The following PIP5K1B variants were observed in gnomAD, a reference collection of about 807,000 sequenced individuals.
PIP5K1B encodes phosphatidylinositol 4-phosphate 5-kinase type-1 beta.
Under a neutral mutation model 67.0 loss-of-function variants are expected in PIP5K1B, and 42 were observed. That is an observed-to-expected ratio of 0.63 (90% confidence interval 0.49 to 0.81). The LOEUF (loss-of-function observed/expected upper bound fraction) is 0.81. PIP5K1B is among the 30% of genes least tolerant of loss of function. The probability of loss-of-function intolerance (pLI) is 0.00; values close to 1 mark genes in which losing one functional copy is unlikely to be tolerated. For synonymous variants in PIP5K1B, 214 were observed against 231.4 expected, an observed-to-expected ratio of 0.92 and a Z score of 0.68; for missense variants, 459 against 646.3, an observed-to-expected ratio of 0.71 and a Z score of 3.14.
chr9:68,849,311 A>G (rs928892110), intron 4 of PIP5K1B, among the ~76,000 whole-genome samples: 4 of 152,188 alleles, frequency 2.6e-5, no homozygotes, highest in African/African-American at 9.7e-5. Flanking sequence ...ATCTGTATAG[A>G]TGGAAGCATA....
At position 68,922,345 on chromosome 9, in the gene PIP5K1B, C is replaced by T. The variant is rs113323548; in HGVS notation, c.1117-957C>T. 5.9e-5 allele frequency among the ~76,000 whole-genome samples: 9 copies of T among 151,748 alleles called. 1 individual carries two copies. The highest frequency in any genetic ancestry group is 9.7e-5 in the African/African-American group (4 of 41,412). On this transcript the variant is annotated intron_variant, in intron 11 of 15. Transcript: ENST00000265382. ...AAGTGTGGTGGTGGGTGCCTGTAAT[C>T]GCAGCTACTGATGATGCCGATGCAG...
At chr9:68,846,901 C>T (rs1026908719) in intron 4 of PIP5K1B, among the ~76,000 whole-genome samples, 1 of 152,120 alleles carries the variant, frequency 6.6e-6, no homozygotes. Flanking sequence ...TCTTCTAGGC[C>T]TGTTTCACTA....
chr9:69,002,317 A>G (rs531220681), intron 15 of PIP5K1B, among the ~76,000 whole-genome samples: 49 of 152,326 alleles, frequency 3.2e-4, no homozygotes, highest in African/African-American at 1.1e-3. Context: ...GCTGCGTCCA[A>G]ATATATTTTT....
intron 1 of PIP5K1B, among the ~76,000 whole-genome samples, chr9:68,710,203 A>G (rs528602699): frequency 1.3e-5 from 2 of 152,148 alleles, no homozygotes; most frequent in Non-Finnish European, 2.9e-5. Flanking sequence ...TATCAAGTGC[A>G]TTAATGGGAG....
At chr9:68,918,917 C>A (rs566334322) in intron 9 of PIP5K1B, among the ~76,000 whole-genome samples, 70 of 152,144 alleles carry the variant, frequency 4.6e-4, no homozygotes, top group African/African-American at 1.6e-3. Flanking sequence ...GTAAAAAAAT[C>A]AGGTTATAAA....
intron 4 of PIP5K1B, among the ~76,000 whole-genome samples, chr9:68,845,484 G>A (rs7857352): frequency 0.3 from 45,640 of 151,892 alleles, 7,063 homozygotes; most frequent in South Asian, 0.38. Flanking sequence ...CTTTCCTTGC[G>A]GAAGGGCTGA....
intron 4 of PIP5K1B, among the ~76,000 whole-genome samples, chr9:68,846,688 TC>T (rs1312698299): frequency 1.3e-5 from 2 of 152,200 alleles, no homozygotes; most frequent in African/African-American, 4.8e-5. Context: ...GCCCCTTTCT[TC>T]CTTCTAAACC....
At position 68,810,131 on chromosome 9, in the gene PIP5K1B, A is replaced by G. The variant is rs530252003; in HGVS notation, c.-85-8330A>G. Reference sequence around the variant, plus strand: ...TGCTTTGTCTTTCGGGAAATGCGCTAGGAAATGTTAACATACACAGCCTGA... The same window carrying G: ...TGCTTTGTCTTTCGGGAAATGCGCTGGGAAATGTTAACATACACAGCCTGA... On this transcript the variant is annotated intron_variant, in intron 2 of 15. Transcript: ENST00000265382. 4.6e-5 allele frequency among the ~76,000 whole-genome samples: 7 copies of G among 152,352 alleles called. No homozygotes were observed. The South Asian group carries it at 1.5e-3, about 32-fold the overall frequency.
In PIP5K1B at chr9:68,989,809, G is replaced by A. The variant is rs545193172; in HGVS notation, c.1503-1331G>A. On this transcript the variant is annotated intron_variant, in intron 14 of 15. Coordinates refer to ENST00000265382, the MANE Select transcript of PIP5K1B (RefSeq NM_003558.4). Reference sequence around the variant, plus strand: ...AGCCTGGCCAACATGGTGAAACCCCGTCTCTACGAAAAATACAAAAATTAG... The same window carrying A: ...AGCCTGGCCAACATGGTGAAACCCCATCTCTACGAAAAATACAAAAATTAG... 2.3e-4 allele frequency among the ~76,000 whole-genome samples: 35 copies of A among 152,106 alleles called. No homozygotes were observed. In the Middle Eastern group the frequency reaches 0.01, roughly 44 times the overall value.
In PIP5K1B at chr9:68,800,024, A is replaced by G. The variant is rs79862409; in HGVS notation, c.-85-18437A>G. Among the ~76,000 whole-genome samples the G allele has an allele frequency of 1.8e-3, 276 of 152,372 alleles. 5 individuals carry two copies. In the East Asian group the frequency reaches 0.043, roughly 23 times the overall value. On this transcript the variant is annotated intron_variant, in intron 2 of 15. Coordinates refer to ENST00000265382, the MANE Select transcript of PIP5K1B (RefSeq NM_003558.4). ...TTCAAAATATATAGGGAACCCCTACAACCCAATAGCAAAAGAAAAAATAAG... is the reference window on the plus strand; with the variant it reads ...TTCAAAATATATAGGGAACCCCTACGACCCAATAGCAAAAGAAAAAATAAG...
rs1309479721 is a variant in PIP5K1B at position 68,876,752 on chromosome 9, A to C, written c.276A>C (p.Arg92=). 1 of 1,608,174 alleles carries C rather than the reference A, an allele frequency of 6.2e-7. No individual in the cohort carries two copies. The highest frequency in any genetic ancestry group is 1.1e-5 in the South Asian group (1 of 90,980). ...RFKTYAPLAF[R]YFRELFGIKP... ...AGACATACGCTCCATTAGCATTCCG[A>C]TATTTCAGAGAACTTTTTGGTATCA... The change falls in exon 6 of 16, where the codon CGA becomes CGC. Residue 92 remains arginine (R), a synonymous_variant. Transcript: ENST00000265382.
chr9:68,793,483 A>G (rs1017724353), intron 2 of PIP5K1B, among the ~76,000 whole-genome samples: 3 of 152,202 alleles, frequency 2.0e-5, no homozygotes, highest in African/African-American at 7.2e-5. Context: ...TGGCTAAATT[A>G]TAGGTATATT....
At chr9:68,856,971 A>G (rs1035937306) in intron 4 of PIP5K1B, among the ~76,000 whole-genome samples, 7 of 152,222 alleles carry the variant, frequency 4.6e-5, no homozygotes, top group African/African-American at 1.7e-4. Flanking sequence ...ATTATCTTAG[A>G]TTATCCAGAT....
intron 14 of PIP5K1B, among the ~76,000 whole-genome samples, chr9:68,968,978 A>G (rs1296676445): frequency 1.3e-5 from 2 of 152,168 alleles, no homozygotes; most frequent in African/African-American, 4.8e-5. Flanking sequence ...CCTGGGTTGG[A>G]AACCTGTGTC....
At chr9:68,889,608 G>C (rs1282702143) in intron 7 of PIP5K1B, among the ~76,000 whole-genome samples, 1 of 151,904 alleles carries the variant, frequency 6.6e-6, no homozygotes, top group Non-Finnish European at 1.5e-5. Context: ...GGTGGTGGGC[G>C]CCTGTAGTCC....
At chr9:68,938,221 G>A (rs1827372119) in intron 13 of PIP5K1B, among the ~76,000 whole-genome samples, 1 of 152,134 alleles carries the variant, frequency 6.6e-6, no homozygotes, top group African/African-American at 2.4e-5. Flanking sequence ...TGCTATTATT[G>A]TGTGGGAGTC....
At chr9:68,733,457 A>G (rs1053338776) in intron 1 of PIP5K1B, among the ~76,000 whole-genome samples, 3 of 151,784 alleles carry the variant, frequency 2.0e-5, no homozygotes, top group Admixed American at 2.0e-4. Flanking sequence ...AGAATTTTTA[A>G]AATTGCTCTT....
At chr9:68,774,301 A>G (rs1158416215) in intron 2 of PIP5K1B, among the ~76,000 whole-genome samples, 1 of 151,984 alleles carries the variant, frequency 6.6e-6, no homozygotes, top group African/African-American at 2.4e-5. Flanking sequence ...ATGAAATGCA[A>G]CTTTAGGGGT....
intron 4 of PIP5K1B, among the ~76,000 whole-genome samples, chr9:68,825,284 G>A: frequency 6.6e-6 from 1 of 152,150 alleles, no homozygotes; most frequent in East Asian, 1.9e-4. Flanking sequence ...ATAAGTATGG[G>A]TTAAATATTA....
Sources: gnomAD v4.1 joint callset for allele counts (sites outside exome capture counted in the v4.1 genomes callset) on GRCh38, gnomAD v4.1.1 for gene constraint, MANE v1.5 for transcripts, NCBI Gene and HGNC (gene_info 2026-07-23, HGNC 2026-07-21) for gene names.